USH2A: variants seen among roughly 807,000 people sequenced by gnomAD.
USH2A encodes the protein Usher syndrome 2A (autosomal recessive, mild).
In USH2A, 443 loss-of-function variants were observed where a neutral mutation model predicts 538.9. The ratio of observed to expected loss-of-function variants is 0.82; its 90% CI spans 0.76 to 0.89. USH2A has a LOEUF of 0.89. USH2A is among the 40% of genes least tolerant of loss of function. The pLI, the probability that USH2A is intolerant of heterozygous loss-of-function variation, is 0.00. For synonymous variants in USH2A, 2,413 were observed against 2,273.5 expected (o/e 1.06, Z -1.75); for missense variants, 6,633 against 6,324.8 (o/e 1.05, Z -1.65).
intron 61 of USH2A, among the ~76,000 whole-genome samples, chr1:215,727,295 A>G (rs887784674): frequency 6.6e-6 from 1 of 152,122 alleles, no homozygotes; most frequent in Non-Finnish European, 1.5e-5. Flanking sequence ...ATAGCTATAT[A>G]TTATACTAGC....
intron 61 of USH2A, among the ~76,000 whole-genome samples, chr1:215,681,940 A>G (rs59022939): frequency 0.029 from 4,470 of 152,310 alleles, 214 homozygotes; most frequent in African/African-American, 0.1. Context: ...TTACAGAAAT[A>G]CTAATTTCTC....
At chr1:216,149,712 T>C (rs2033794254) in intron 21 of USH2A, among the ~76,000 whole-genome samples, 1 of 152,110 alleles carries the variant, frequency 6.6e-6, no homozygotes, top group African/African-American at 2.4e-5. Context: ...TAATCTTCTC[T>C]TGCCTACTCC....
intron 55 of USH2A, among the ~76,000 whole-genome samples, chr1:215,773,397 C>T (rs1661347368): frequency 6.6e-6 from 1 of 151,952 alleles, no homozygotes; most frequent in Non-Finnish European, 1.5e-5. Flanking sequence ...AATCTGTGAG[C>T]CCTATATAAA....
intron 32 of USH2A, among the ~76,000 whole-genome samples, chr1:216,039,466 A>G (rs2030164743): frequency 6.6e-6 from 1 of 152,006 alleles, no homozygotes; most frequent in South Asian, 2.1e-4. Flanking sequence ...CTTACCTGGA[A>G]ATCCTCACAT....
intron 35 of USH2A, among the ~76,000 whole-genome samples, chr1:215,988,770 A>T (rs1227196259): frequency 2.0e-5 from 3 of 152,198 alleles, no homozygotes; most frequent in African/African-American, 7.2e-5. Context: ...TACACTGCTG[A>T]ACAAAAGACA....
chr1:215,837,786 G>A lies in USH2A; in HGVS notation c.9371+205C>T, dbSNP rs11120658. On this transcript the variant is annotated intron_variant, in intron 47 of 71. Transcript: ENST00000307340. ...TTACTAAATAAGAAATCTGAGGCTG[G>A]GCAATCAGGGAAATTAAAGATTAAA... Among the ~76,000 whole-genome samples, 1,956 of 152,236 alleles carry A rather than the reference G, an allele frequency of 0.013. 50 individuals are homozygous for A. The highest frequency in any genetic ancestry group is 0.045 in the African/African-American group (1,866 of 41,536).
At chr1:215,636,552 T>C (rs1305958927) in intron 69 of USH2A, among the ~76,000 whole-genome samples, 1 of 152,198 alleles carries the variant, frequency 6.6e-6, no homozygotes, top group Non-Finnish European at 1.5e-5. Flanking sequence ...TTGTTTCCTC[T>C]GTGTGTGGCA....
At chr1:216,143,527 T>C (rs1187788479) in intron 21 of USH2A, among the ~76,000 whole-genome samples, 1 of 152,164 alleles carries the variant, frequency 6.6e-6, no homozygotes, top group Non-Finnish European at 1.5e-5. Context: ...CTTTCTTTCA[T>C]GATTGAAATG....
intron 49 of USH2A, among the ~76,000 whole-genome samples, chr1:215,802,943 A>G (rs1420978339): frequency 6.6e-6 from 1 of 152,136 alleles, no homozygotes; most frequent in Non-Finnish European, 1.5e-5. Context: ...AAAAAGGAAT[A>G]AAATCCTGAC....
At chr1:216,301,787 G>T (rs938487375) in intron 9 of USH2A, among the ~76,000 whole-genome samples, 1 of 152,104 alleles carries the variant, frequency 6.6e-6, no homozygotes, top group Non-Finnish European at 1.5e-5. Context: ...TTCCCAGATG[G>T]CCTGAATGAA....
chr1:215,955,981 T>C (rs911907066), intron 37 of USH2A, among the ~76,000 whole-genome samples: 2 of 152,154 alleles, frequency 1.3e-5, no homozygotes, highest in Admixed American at 1.3e-4. Context: ...TTCCTTGCTG[T>C]AGGGTGTGTC....
intron 67 of USH2A, among the ~76,000 whole-genome samples, chr1:215,643,213 G>A (rs1014092491): frequency 6.6e-6 from 1 of 152,006 alleles, no homozygotes; most frequent in Non-Finnish European, 1.5e-5. Flanking sequence ...GGCCAGGCTC[G>A]TCTCAAACTC....
intron 8 of USH2A, 110 bp downstream of exon 8, chr1:216,323,364 A>T: frequency 9.4e-7 from 1 of 1,069,058 alleles, no homozygotes; most frequent in Non-Finnish European, 1.4e-6. Flanking sequence ...AGAGTATGAA[A>T]TCATTTCAAA....
At chr1:216,310,119 T>C (rs1326569410) in intron 9 of USH2A, among the ~76,000 whole-genome samples, 1 of 152,124 alleles carries the variant, frequency 6.6e-6, no homozygotes, top group Non-Finnish European at 1.5e-5. Flanking sequence ...TTAATTGGTA[T>C]ATTTAGACCA....
At chr1:216,339,250 T>A (rs2038030194) in intron 4 of USH2A, among the ~76,000 whole-genome samples, 1 of 151,568 alleles carries the variant, frequency 6.6e-6, no homozygotes, top group South Asian at 2.1e-4. Flanking sequence ...AAATTGAAGA[T>A]ATACTCTGTA....
At chr1:216,023,459 C>CAAAAAAAAAAAAAAAAATAAAAAAAAAA (rs1668887145) in intron 32 of USH2A, among the ~76,000 whole-genome samples, 2 of 46,954 alleles carry the variant, frequency 4.3e-5, no homozygotes, top group South Asian at 7.2e-4. Flanking sequence ...TCAAAGCAGA[C>CAAAAAAAAAAAAAAAAATAAAAAAAAAA]AAAAAAAAAA....
intron 3 of USH2A, among the ~76,000 whole-genome samples, chr1:216,412,795 G>T (rs1244468150): frequency 1.3e-5 from 2 of 151,456 alleles, no homozygotes; most frequent in Non-Finnish European, 2.9e-5. Flanking sequence ...ATTACTTTTA[G>T]TTTAAGGTCA....
intron 56 of USH2A, among the ~76,000 whole-genome samples, chr1:215,762,046 G>C (rs1011746257): frequency 6.6e-6 from 1 of 152,156 alleles, no homozygotes; most frequent in Non-Finnish European, 1.5e-5. Context: ...TTTCAAAAAT[G>C]TCTCAAACAT....
intron 21 of USH2A, among the ~76,000 whole-genome samples, chr1:216,115,138 T>C (rs2032974687): frequency 6.6e-6 from 1 of 151,824 alleles, no homozygotes; most frequent in Non-Finnish European, 1.5e-5. Context: ...TTTTGTTTTG[T>C]TTTGTTTTGT....
Sources: gnomAD v4.1 joint callset for allele counts (sites outside exome capture counted in the v4.1 genomes callset) on GRCh38, gnomAD v4.1.1 for gene constraint, MANE v1.5 for transcripts, NCBI Gene and HGNC (gene_info 2026-07-23, HGNC 2026-07-21) for gene names.